Variants in NRG3 observed in about 807,000 individuals in gnomAD.
The protein encoded by NRG3 is neuregulin 3, also known as pro-neuregulin-3, membrane-bound isoform.
NRG3 carries 31 observed loss-of-function variants against 66.9 expected under a neutral mutation model. That is an observed-to-expected ratio of 0.46 (90% CI 0.35 to 0.63). The LOEUF (loss-of-function observed/expected upper bound fraction) is 0.63, where lower values mean the gene tolerates loss of function less well. Among genes scored for constraint, NRG3 ranks in the 20% least tolerant of loss-of-function variants. The pLI, the probability that NRG3 is intolerant of heterozygous loss-of-function variation, is 0.00. For synonymous variants in NRG3, 393 were observed against 359.4 expected (o/e 1.09, Z -1.06); for missense variants, 910 against 878.9 (o/e 1.04, Z -0.45).
intron 2 of NRG3, among the ~76,000 whole-genome samples, chr10:82,525,392 G>A (rs533280606): frequency 1.8e-4 from 27 of 151,734 alleles, no homozygotes; most frequent in Admixed American, 5.2e-4. Flanking sequence ...TCCTCCTAAC[G>A]TTGAGGGGGT....
chr10:82,433,061 A>G (rs945456235), intron 2 of NRG3, among the ~76,000 whole-genome samples: 1 of 152,122 alleles, frequency 6.6e-6, no homozygotes, highest in African/African-American at 2.4e-5. Context: ...GATGGTTGAA[A>G]TAATTTACAT....
At chr10:82,655,828 A>T (rs1317486455) in intron 2 of NRG3, among the ~76,000 whole-genome samples, 2 of 152,168 alleles carry the variant, frequency 1.3e-5, no homozygotes, top group Non-Finnish European at 2.9e-5. Flanking sequence ...ACTGCTTTGG[A>T]ATTAATTATA....
intron 2 of NRG3, among the ~76,000 whole-genome samples, chr10:82,410,957 C>A (rs919334853): frequency 6.6e-6 from 1 of 152,100 alleles, no homozygotes; most frequent in Non-Finnish European, 1.5e-5. Flanking sequence ...TTACTTATCA[C>A]CAGATACAAA....
chr10:82,690,203 T>C (rs2134194165), intron 2 of NRG3, among the ~76,000 whole-genome samples: 1 of 152,268 alleles, frequency 6.6e-6, no homozygotes, highest in Admixed American at 6.5e-5. Context: ...GAAGCATGCC[T>C]ATATGAAGAA....
intron 1 of NRG3, among the ~76,000 whole-genome samples, chr10:81,879,038 A>G (rs1040879559): frequency 3.9e-5 from 6 of 152,236 alleles, no homozygotes; most frequent in African/African-American, 1.4e-4. Context: ...AGGAATAAAG[A>G]CAAAGAAGGA....
intron 5 of NRG3, among the ~76,000 whole-genome samples, chr10:82,958,107 C>T (rs1475856389): frequency 6.6e-6 from 1 of 152,196 alleles, no homozygotes; most frequent in East Asian, 1.9e-4. Context: ...AACCCTACAG[C>T]AGTTTCAGCC....
intron 2 of NRG3, among the ~76,000 whole-genome samples, chr10:82,715,011 T>C (rs1158574987): frequency 1.3e-5 from 2 of 152,226 alleles, no homozygotes; most frequent in Non-Finnish European, 2.9e-5. Context: ...GAGATGTTCA[T>C]TTCCTATTTC....
rs1280987965 is a variant in NRG3, at chr10:82,644,600, A to T, written c.954-93977A>T. Among the ~76,000 whole-genome samples, 6 of 152,186 alleles carry T rather than the reference A, an allele frequency of 3.9e-5. No individual in the cohort carries two copies. In the East Asian group the frequency reaches 1.2e-3, roughly 29 times the overall value. On this transcript the variant is annotated intron_variant, in intron 2 of 8. Coordinates refer to ENST00000372141, the MANE Select transcript of NRG3 (RefSeq NM_001010848.4). ...AAGAATCCAAGGAACAGATGCATTT[A>T]TAATTAGCAATATTTAAATGAATGT...
At chr10:81,974,721 A>G (rs1304959944) in intron 1 of NRG3, among the ~76,000 whole-genome samples, 1 of 152,160 alleles carries the variant, frequency 6.6e-6, no homozygotes, top group African/African-American at 2.4e-5. Flanking sequence ...GACATCAAAA[A>G]GTCACGCATC....
At chr10:82,536,060 T>G (rs1415897221) in intron 2 of NRG3, among the ~76,000 whole-genome samples, 1 of 152,170 alleles carries the variant, frequency 6.6e-6, no homozygotes, top group Non-Finnish European at 1.5e-5. Context: ...CAGGCTCCAC[T>G]TATTTTAGCC....
intron 8 of NRG3, 131 bp downstream of exon 8, chr10:82,979,251 C>A: frequency 1.1e-6 from 1 of 923,328 alleles, no homozygotes; most frequent in Non-Finnish European, 1.6e-6. Flanking sequence ...TTACTGCCAT[C>A]TTTGTTCTAC....
At chr10:82,539,101 A>C (rs1392407146) in intron 2 of NRG3, among the ~76,000 whole-genome samples, 2 of 152,226 alleles carry the variant, frequency 1.3e-5, no homozygotes, top group East Asian at 3.9e-4. Context: ...TTTGCAATTG[A>C]AACTATAGTG....
chr10:82,761,201 T>A (rs192391143), intron 3 of NRG3, among the ~76,000 whole-genome samples: 310 of 152,118 alleles, frequency 2.0e-3, no homozygotes, highest in African/African-American at 7.1e-3. Context: ...AAACCAAAGT[T>A]AAAGCAAACT....
In NRG3 at chr10:82,391,698, GA is replaced by G. The variant is rs1361155748; in HGVS notation, c.953+32831del. Among the ~76,000 whole-genome samples the G allele has an allele frequency of 5.9e-5, 9 of 152,230 alleles. No homozygotes were observed. In the East Asian group the frequency reaches 1.7e-3, roughly 30 times the overall value. On this transcript the variant is annotated intron_variant, in intron 2 of 8. Coordinates refer to ENST00000372141, the MANE Select transcript of NRG3 (RefSeq NM_001010848.4). ...GGGGATAAACTTTTGGGGAAAAAATGAGTCCACTCACCAATCCATATTTAAA... is the reference window on the plus strand; with the variant it reads ...GGGGATAAACTTTTGGGGAAAAAATGGTCCACTCACCAATCCATATTTAAA...
intron 1 of NRG3, among the ~76,000 whole-genome samples, chr10:82,132,506 A>T (rs1355590870): frequency 0.027 from 218 of 8,044 alleles, 59 homozygotes; most frequent in Non-Finnish European, 0.055. Flanking sequence ...TATATATATC[A>T]TATATATATG....
intron 2 of NRG3, among the ~76,000 whole-genome samples, chr10:82,537,353 G>A (rs910570294): frequency 6.6e-6 from 1 of 152,024 alleles, no homozygotes; most frequent in African/African-American, 2.4e-5. Flanking sequence ...AAACAAATTA[G>A]CAAGTATGAT....
chr10:82,906,578 T>C (rs1180833882), intron 4 of NRG3, among the ~76,000 whole-genome samples: 2 of 152,200 alleles, frequency 1.3e-5, no homozygotes, highest in Non-Finnish European at 2.9e-5. Flanking sequence ...CCTATTTCTA[T>C]ATTGCCAGAT....
chr10:82,972,446 G>C lies in NRG3; in HGVS notation c.1285-1342G>C, dbSNP rs573909864. Reference sequence around the variant, plus strand: ...ATTTTAAAGCCGACATTTTAAGAAAGAGCTTACAATAAAATATCTTCCACT... The same window carrying C: ...ATTTTAAAGCCGACATTTTAAGAAACAGCTTACAATAAAATATCTTCCACT... On this transcript the variant is annotated intron_variant, in intron 6 of 8. Coordinates refer to ENST00000372141, the MANE Select transcript of NRG3 (RefSeq NM_001010848.4). 8.4e-4 allele frequency among the ~76,000 whole-genome samples: 128 copies of C among 152,142 alleles called. 1 individual carries two copies. Among genetic ancestry groups the C allele is most frequent in the Non-Finnish European group, 7.4e-4 (50 of 67,982 alleles).
chr10:82,405,768 T>A (rs1303447408), intron 2 of NRG3, among the ~76,000 whole-genome samples: 1 of 152,206 alleles, frequency 6.6e-6, no homozygotes, highest in Non-Finnish European at 1.5e-5. Context: ...GCGCCTAGCC[T>A]GGAGTGATCT....
Sources: gnomAD v4.1 joint callset for allele counts (sites outside exome capture counted in the v4.1 genomes callset) on GRCh38, gnomAD v4.1.1 for gene constraint, MANE v1.5 for transcripts, NCBI Gene and HGNC (gene_info 2026-07-23, HGNC 2026-07-21) for gene names.